Variants in EEF2K observed in about 807,000 individuals in gnomAD.
The protein encoded by EEF2K is eukaryotic elongation factor 2 kinase.
In EEF2K, 70 loss-of-function variants were observed where a neutral mutation model predicts 93.8. The ratio of observed to expected loss-of-function variants is 0.75; its 90% CI spans 0.62 to 0.91. The LOEUF (loss-of-function observed/expected upper bound fraction) is 0.91, where lower values mean the gene tolerates loss of function less well. Among genes scored for constraint, EEF2K ranks in the 40% least tolerant of loss-of-function variants. EEF2K has a pLI of 0.00. For synonymous variants in EEF2K, 376 were observed against 380.8 expected (o/e 0.99, Z 0.15); for missense variants, 935 against 972.9 (o/e 0.96, Z 0.52).
chr16:22,233,775 T>C (rs1263790303), intron 2 of EEF2K, among the ~76,000 whole-genome samples: 1 of 152,152 alleles, frequency 6.6e-6, no homozygotes, highest in Non-Finnish European at 1.5e-5. Flanking sequence ...TTTAAAAAAA[T>C]TTCTTTTGAG....
At chr16:22,228,085 C>T (rs2047081776) in intron 2 of EEF2K, among the ~76,000 whole-genome samples, 1 of 137,936 alleles carries the variant, frequency 7.2e-6, no homozygotes, top group Non-Finnish European at 1.5e-5. Flanking sequence ...ACAATCTCAG[C>T]TCACTGCAAC....
intron 2 of EEF2K, among the ~76,000 whole-genome samples, chr16:22,230,457 G>A (rs974206207): frequency 5.3e-5 from 8 of 151,910 alleles, no homozygotes; most frequent in African/African-American, 1.7e-4. Flanking sequence ...CAAGTGATCC[G>A]CCCGCCTCAG....
intron 1 of EEF2K, among the ~76,000 whole-genome samples, chr16:22,219,560 C>T (rs1036546254): frequency 6.6e-6 from 1 of 152,160 alleles, no homozygotes; most frequent in Admixed American, 6.5e-5. Flanking sequence ...GCCCAGAGAT[C>T]AAGGCTGCAA....
At chr16:22,283,826 A>G in intron 17 of EEF2K, 61 bp from the exon 18 acceptor site, 1 of 1,501,556 alleles carries the variant, frequency 6.7e-7, no homozygotes, top group African/African-American at 1.4e-5. Flanking sequence ...GATGGGGGAC[A>G]CTGGGCTGGC....
intron 4 of EEF2K, 49 bp downstream of exon 4, chr16:22,248,864 C>G (rs1421358003): frequency 6.3e-7 from 1 of 1,591,608 alleles, no homozygotes. Context: ...CAAAGACTTT[C>G]TGCAGCTAAC....
At chr16:22,218,460 C>T (rs1029637399) in intron 1 of EEF2K, among the ~76,000 whole-genome samples, 7 of 152,250 alleles carry the variant, frequency 4.6e-5, no homozygotes, top group African/African-American at 2.4e-5. Flanking sequence ...GGGTGAGCCC[C>T]GAGGGGGACC....
chr16:22,278,280 G>C (rs193248193), intron 16 of EEF2K, among the ~76,000 whole-genome samples: 1 of 152,248 alleles, frequency 6.6e-6, no homozygotes, highest in African/African-American at 2.4e-5. Context: ...CCTCATACTG[G>C]CAGAAATCCA....
chr16:22,253,333 G>T (rs1034605223), intron 6 of EEF2K, among the ~76,000 whole-genome samples: 1 of 152,198 alleles, frequency 6.6e-6, no homozygotes, highest in Non-Finnish European at 1.5e-5. Flanking sequence ...AATTTATTGA[G>T]CACCTGCTGT....
intron 12 of EEF2K, 165 bp downstream of exon 12, chr16:22,263,352 T>A (rs545853454): frequency 8.8e-4 from 409 of 463,418 alleles, no homozygotes; most frequent in Non-Finnish European, 1.3e-3. Flanking sequence ...CTCACGCCTG[T>A]AATCCCAGCA....
At chr16:22,227,049 A>AT (rs1325014508) in intron 2 of EEF2K, among the ~76,000 whole-genome samples, 2 of 152,136 alleles carry the variant, frequency 1.3e-5, no homozygotes, top group Non-Finnish European at 2.9e-5. Flanking sequence ...AATACAAAAA[A>AT]TTAGCCGGGT....
intron 3 of EEF2K, among the ~76,000 whole-genome samples, chr16:22,246,602 C>T (rs1194327071): frequency 6.9e-6 from 1 of 145,314 alleles, no homozygotes; most frequent in Admixed American, 6.9e-5. Context: ...GAATCTAAAA[C>T]AAAATATATA....
At chr16:22,266,915 G>A (rs2141680731) in intron 15 of EEF2K, 39 bp downstream of exon 15, 4 of 1,567,898 alleles carry the variant, frequency 2.6e-6, no homozygotes, top group Non-Finnish European at 3.5e-6. Context: ...GGTGGGGGTG[G>A]GACTTGGTCA....
intron 1 of EEF2K, 109 bp downstream of exon 1, chr16:22,206,788 G>A (rs966366971): frequency 6.5e-6 from 1 of 152,718 alleles, no homozygotes; most frequent in African/African-American, 2.4e-5. Context: ...CTGGGCTTGG[G>A]AATGGGGCCG....
At chr16:22,228,174 A>G (rs751298316) in intron 2 of EEF2K, among the ~76,000 whole-genome samples, 132 of 152,242 alleles carry the variant, frequency 8.7e-4, no homozygotes, top group Non-Finnish European at 1.5e-3. Flanking sequence ...TGTGTGTCAC[A>G]CATTATAGGT....
rs768421053 is a variant in EEF2K at position 22,266,462 on chromosome 16, G to A, written c.1513G>A (p.Glu505Lys). Residue 505 changes from glutamate (E) to lysine (K), a missense_variant, in exon 14 of 18, where the codon GAA becomes AAA. Transcript: ENST00000263026. ...HLPRASAVAL[E>K]VQRLNALDLE... ...GCCGAGGGCTTCGGCCGTGGCCCTG[G>A]AAGTGCAAAGGCTTAATGCTCTGGA... 2 of 1,614,196 alleles carry A rather than the reference G, an allele frequency of 1.2e-6. No individual in the cohort carries two copies. Among genetic ancestry groups the A allele is most frequent in the Non-Finnish European group, 1.7e-6 (2 of 1,180,034 alleles).
chr16:22,249,784 A>AT (rs879736735), intron 4 of EEF2K, among the ~76,000 whole-genome samples: 70 of 143,862 alleles, frequency 4.9e-4, no homozygotes, highest in African/African-American at 1.1e-3. Flanking sequence ...ATTTTTAAAA[A>AT]TTTTTTTTTT....
At chr16:22,217,974 G>C (rs565817751) in intron 1 of EEF2K, among the ~76,000 whole-genome samples, 1 of 152,234 alleles carries the variant, frequency 6.6e-6, no homozygotes, top group Admixed American at 6.5e-5. Flanking sequence ...CCTCCACCAC[G>C]TATCAGCTTT....
chr16:22,281,276 G>A (rs2047690718), intron 17 of EEF2K, among the ~76,000 whole-genome samples: 1 of 151,788 alleles, frequency 6.6e-6, no homozygotes. Context: ...ATCTCACTGT[G>A]TCACTCAGGC....
At chr16:22,266,961 T>C in intron 15 of EEF2K, 85 bp downstream of exon 15, 1 of 1,461,420 alleles carries the variant, frequency 6.8e-7, no homozygotes, top group Non-Finnish European at 9.2e-7. Flanking sequence ...CTGGAAGTCA[T>C]GCATTCACCT....
Sources: gnomAD v4.1 joint callset for allele counts (sites outside exome capture counted in the v4.1 genomes callset) on GRCh38, gnomAD v4.1.1 for gene constraint, MANE v1.5 for transcripts, NCBI Gene and HGNC (gene_info 2026-07-23, HGNC 2026-07-21) for gene names.